The following CLSTN2 variants were observed in gnomAD, a reference collection of about 807,000 sequenced individuals.
The protein encoded by CLSTN2 is calsyntenin 2.
Under a neutral mutation model 101.2 loss-of-function variants are expected in CLSTN2, and 48 were observed. That is an observed-to-expected ratio of 0.47 (90% confidence interval 0.38 to 0.60). CLSTN2 has a LOEUF of 0.60. Ranked by LOEUF, CLSTN2 falls within the 20% of genes least tolerant of loss-of-function variation. The pLI, the probability that CLSTN2 is intolerant of heterozygous loss-of-function variation, is 0.00. For synonymous variants in CLSTN2, 481 were observed against 463.6 expected, an observed-to-expected ratio of 1.04 and a Z score of -0.48; for missense variants, 1,160 against 1,238.2, an observed-to-expected ratio of 0.94 and a Z score of 0.95.
At chr3:140,088,547 G>T (rs2008716873) in intron 1 of CLSTN2, among the ~76,000 whole-genome samples, 1 of 152,166 alleles carries the variant, frequency 6.6e-6, no homozygotes, top group African/African-American at 2.4e-5. Context: ...GGTCATTTGA[G>T]CTGCCCTTCA....
intron 9 of CLSTN2, among the ~76,000 whole-genome samples, chr3:140,539,543 C>A (rs1935427077): frequency 6.6e-6 from 1 of 152,182 alleles, no homozygotes; most frequent in South Asian, 2.1e-4. Flanking sequence ...AGTATCGTCT[C>A]TGAGATACTC....
At chr3:140,501,626 T>C (rs1934578630) in intron 8 of CLSTN2, among the ~76,000 whole-genome samples, 1 of 151,690 alleles carries the variant, frequency 6.6e-6, no homozygotes, top group East Asian at 1.9e-4. Flanking sequence ...CTGGTAAGAG[T>C]TGAGTTGTGT....
At position 140,567,965 on chromosome 3, in the gene CLSTN2, G is replaced by A. The variant is rs1220368743; in HGVS notation, c.*1712G>A. The A allele has an allele frequency of 6.6e-6, 1 of 152,194 alleles. No individual in the cohort carries two copies. Among genetic ancestry groups the A allele is most frequent in the East Asian group, 1.9e-4 (1 of 5,200 alleles). The allele number at this position is 152,194 out of a possible 1,614,324, so 9.4% of individuals were successfully genotyped here. A position where few individuals can be genotyped will look rare whatever the true frequency, so the allele number is the denominator to read the frequency against. On this transcript the variant is annotated 3_prime_UTR_variant, in exon 17 of 17. Transcript: ENST00000458420. ...TGAAGCTTTTCCCACCTCCTAAAGT[G>A]TTTTCTGCATCTGTTCCTTCCTTTG...
At chr3:140,112,774 G>A (rs927476619) in intron 1 of CLSTN2, among the ~76,000 whole-genome samples, 4 of 152,102 alleles carry the variant, frequency 2.6e-5, no homozygotes, top group Admixed American at 6.6e-5. Flanking sequence ...GCCCTTTCGA[G>A]CTCTAGGCAA....
chr3:140,452,289 C>A (rs1933271020), intron 6 of CLSTN2, among the ~76,000 whole-genome samples: 1 of 151,928 alleles, frequency 6.6e-6, no homozygotes, highest in African/African-American at 2.4e-5. Context: ...TTGGTCAGGG[C>A]ACCTGCTTTG....
At chr3:140,044,606 G>C (rs1033720370) in intron 1 of CLSTN2, among the ~76,000 whole-genome samples, 16 of 151,676 alleles carry the variant, frequency 1.1e-4, no homozygotes, top group Non-Finnish European at 1.8e-4. Context: ...CTGTCTTGTG[G>C]CAGTTTTCAA....
intron 2 of CLSTN2, among the ~76,000 whole-genome samples, chr3:140,195,457 T>C (rs537220076): frequency 5.3e-5 from 8 of 152,132 alleles, no homozygotes; most frequent in Non-Finnish European, 1.2e-4. Context: ...TTGTTTTATA[T>C]ATTATGTCCA....
At chr3:139,996,359 G>A (rs2006658800) in intron 1 of CLSTN2, among the ~76,000 whole-genome samples, 3 of 152,164 alleles carry the variant, frequency 2.0e-5, no homozygotes, top group Admixed American at 2.0e-4. Flanking sequence ...ACATTTACAA[G>A]ATAATGCCAA....
chr3:140,434,177 C>A (rs2088665054), intron 5 of CLSTN2, among the ~76,000 whole-genome samples: 2 of 152,136 alleles, frequency 1.3e-5, no homozygotes, highest in Non-Finnish European at 2.9e-5. Context: ...CAGAACAGTG[C>A]CCCCTTCTCC....
intron 1 of CLSTN2, among the ~76,000 whole-genome samples, chr3:139,995,250 C>T (rs906984138): frequency 6.6e-6 from 1 of 152,154 alleles, no homozygotes; most frequent in African/African-American, 2.4e-5. Flanking sequence ...CCAAATGACC[C>T]CATCACCCAT....
chr3:140,458,169 A>ATTTT (rs11434420), intron 6 of CLSTN2, among the ~76,000 whole-genome samples: 12 of 146,454 alleles, frequency 8.2e-5, no homozygotes, highest in African/African-American at 3.0e-4. Context: ...ATGGTAGGAG[A>ATTTT]TTTTTTTTTT....
In CLSTN2 at chr3:140,380,923, G is replaced by A. The variant is rs370800116; in HGVS notation, c.233-22706G>A. 2.6e-4 allele frequency among the ~76,000 whole-genome samples: 39 copies of A among 152,306 alleles called. No individual in the cohort carries two copies. The South Asian group carries it at 7.3e-3, about 28-fold the overall frequency. On this transcript the variant is annotated intron_variant, in intron 2 of 16. Coordinates refer to ENST00000458420, the MANE Select transcript of CLSTN2 (RefSeq NM_022131.3). ...TGGGCCTGGTAGCTCAGAAAGCAGA[G>A]CATGTTTACCCTGGGTTTGGAGTCT...
In CLSTN2 at chr3:140,282,389, T is replaced by A. The variant is rs185639775; in HGVS notation, c.232+106316T>A. On this transcript the variant is annotated intron_variant, in intron 2 of 16. Transcript: ENST00000458420. ...ACCATGTTTGAGTGGGCCTGGAGGGTCTGGAGTGTGACCAAGAGCATGAGG... is the reference window on the plus strand; with the variant it reads ...ACCATGTTTGAGTGGGCCTGGAGGGACTGGAGTGTGACCAAGAGCATGAGG... Among the ~76,000 whole-genome samples the A allele has an allele frequency of 7.2e-4, 109 of 151,936 alleles. No individual in the cohort carries two copies. In the South Asian group the frequency reaches 7.5e-3, roughly 10 times the overall value.
chr3:140,262,375 A>G (rs1327821810), intron 2 of CLSTN2, among the ~76,000 whole-genome samples: 2 of 152,218 alleles, frequency 1.3e-5, no homozygotes, highest in Non-Finnish European at 2.9e-5. Context: ...AGGGGCAGGC[A>G]TGGCACAAGA....
chr3:139,969,609 T>C (rs1310010471), intron 1 of CLSTN2, among the ~76,000 whole-genome samples: 1 of 152,188 alleles, frequency 6.6e-6, no homozygotes, highest in Non-Finnish European at 1.5e-5. Flanking sequence ...CTCCACATTC[T>C]CCCTGTTAGT....
At chr3:140,483,581 T>A (rs1165437989) in intron 8 of CLSTN2, among the ~76,000 whole-genome samples, 1 of 152,148 alleles carries the variant, frequency 6.6e-6, no homozygotes, top group Non-Finnish European at 1.5e-5. Context: ...GGAGTCTAAG[T>A]CTCTTTGTAG....
Position 140,148,752 on chromosome 3 carries a change from C to T in CLSTN2, c.110-27199C>T, listed in dbSNP as rs368504087. Among the ~76,000 whole-genome samples, 8 of 152,212 alleles carry T rather than the reference C, an allele frequency of 5.3e-5. No individual in the cohort carries two copies. The East Asian group carries it at 1.3e-3, about 26-fold the overall frequency. On this transcript the variant is annotated intron_variant, in intron 1 of 16. Transcript: ENST00000458420. Reference sequence around the variant, plus strand: ...TCATTTATGGTAACATTTTTATTGTCGATATGCCATTAGAGCTGCTAAGAA... The same window carrying T: ...TCATTTATGGTAACATTTTTATTGTTGATATGCCATTAGAGCTGCTAAGAA...
At chr3:140,010,879 C>T (rs572255245) in intron 1 of CLSTN2, among the ~76,000 whole-genome samples, 1 of 152,330 alleles carries the variant, frequency 6.6e-6, no homozygotes, top group East Asian at 1.9e-4. Context: ...TATAAAACAA[C>T]TTTAAACAAG....
chr3:140,286,348 A>C (rs1178683113), intron 2 of CLSTN2, among the ~76,000 whole-genome samples: 1 of 152,172 alleles, frequency 6.6e-6, no homozygotes, highest in Non-Finnish European at 1.5e-5. Flanking sequence ...TCCACAAATC[A>C]GTTAAGTGTT....
Sources: allele counts gnomAD v4.1 joint callset (sites outside exome capture counted in the v4.1 genomes callset), GRCh38; gene constraint gnomAD v4.1.1; transcripts MANE v1.5; gene names NCBI Gene and HGNC (gene_info 2026-07-23, HGNC 2026-07-21).